INSL6: variants seen among roughly 807,000 people sequenced by gnomAD.
INSL6 encodes insulin-like peptide INSL6.
In INSL6, 16 loss-of-function variants were observed where a neutral mutation model predicts 9.4. That is an observed-to-expected ratio of 1.70 (90% CI 1.15 to 2.59). INSL6 has a LOEUF of 2.59. Ranked by LOEUF, INSL6 falls within the 30% of genes most tolerant of loss-of-function variation. The pLI, the probability that INSL6 is intolerant of heterozygous loss-of-function variation, is 0.00. For synonymous variants in INSL6, 154 were observed against 96.9 expected (o/e 1.59, Z -3.46); for missense variants, 391 against 257.3 (o/e 1.52, Z -3.56).
At chr9:5,017,074 G>T in the INSL6 span, among the ~76,000 whole-genome samples, 1 of 152,156 alleles carries the variant, frequency 6.6e-6, no homozygotes, top group Non-Finnish European at 1.5e-5. Flanking sequence ...ACTACTTGAG[G>T]GAAAGCCATG....
the INSL6 span, chr9:5,091,009 C>A: frequency 2.2e-6 from 2 of 910,384 alleles, no homozygotes; most frequent in Non-Finnish European, 1.6e-6. Flanking sequence ...TTTACAGTAA[C>A]AGTGAACATT....
chr9:5,111,797 C>A, the INSL6 span: 11 of 424,032 alleles, frequency 2.6e-5, no homozygotes, highest in Middle Eastern at 4.9e-4. Flanking sequence ...CTCCTTGGCC[C>A]CCGGAGCCAC....
the INSL6 span, among the ~76,000 whole-genome samples, chr9:5,020,811 C>T: frequency 2.9e-4 from 44 of 151,898 alleles, no homozygotes; most frequent in Admixed American, 2.5e-3. Context: ...AGGTGACTGT[C>T]GGTGGAGGAT....
At chr9:5,130,854 G>A (rs10974974) in intron 3 of INSL6, among the ~76,000 whole-genome samples, 35,048 of 148,188 alleles carry the variant, frequency 0.24, 4,582 homozygotes, top group South Asian at 0.3. Flanking sequence ...TCAGCCTCCC[G>A]CGTAGCTGGG....
chr9:5,092,021 A>C, the INSL6 span, among the ~76,000 whole-genome samples: 2 of 152,144 alleles, frequency 1.3e-5, no homozygotes, highest in Non-Finnish European at 2.9e-5. Flanking sequence ...AACTGAGTTA[A>C]TTCGGAGAGG....
At chr9:5,054,507 T>C in the INSL6 span, 1 of 1,408,250 alleles carries the variant, frequency 7.1e-7, no homozygotes. This position sits in a 1 kb window ranked among gnomAD's most constrained non-coding sequence, Gnocchi z 4.9. Flanking sequence ...ATTTTTAGAT[T>C]TATCTTCCAA....
At chr9:5,111,069 G>C in the INSL6 span, 2 of 1,205,824 alleles carry the variant, frequency 1.7e-6, no homozygotes, top group Non-Finnish European at 2.3e-6. Context: ...TTGAGAACTG[G>C]CCCAGCTCAG....
At chr9:5,123,186 G>T (rs77768782), downstream of INSL6, 2 of 1,118,404 alleles carry the variant, frequency 1.8e-6, no homozygotes, top group South Asian at 1.4e-5. Flanking sequence ...AAATTTATGG[G>T]GTACAAGTAC....
Position 5,185,637 on chromosome 9 carries a change from A to T in INSL6, c.-35T>A, listed in dbSNP as rs1324148172. ...CCCAGGCTAGTCCTCCGCGTTGTGC[A>T]ATGGCGGTCGGCCGGACCCTGCTCC... is the stretch of plus-strand genomic sequence containing the variant. On this transcript the variant is annotated 5_prime_UTR_variant, in exon 1 of 2. Transcript: ENST00000381641. 1 of 1,582,910 alleles carries T rather than the reference A, an allele frequency of 6.3e-7. No individual in the cohort carries two copies. The highest frequency in any genetic ancestry group is 1.8e-5 in the Admixed American group (1 of 55,576).
At chr9:5,049,149 C>T in the INSL6 span, among the ~76,000 whole-genome samples, 310 of 152,172 alleles carry the variant, frequency 2.0e-3, 3 homozygotes, top group African/African-American at 7.0e-3. Flanking sequence ...CTTATTATTT[C>T]GTATCTGAGC....
chr9:5,085,493 T>C, the INSL6 span: 2 of 722,644 alleles, frequency 2.8e-6, no homozygotes, highest in African/African-American at 3.5e-5. Flanking sequence ...TCATTTTCTT[T>C]TGACCCGAGC....
At chr9:5,004,753 A>T in the INSL6 span, among the ~76,000 whole-genome samples, 1 of 152,126 alleles carries the variant, frequency 6.6e-6, no homozygotes, top group Non-Finnish European at 1.5e-5. Context: ...CCAAGAGTAT[A>T]CAAGAGTTTC....
At chr9:5,110,821 G>C in the INSL6 span, 2 of 441,534 alleles carry the variant, frequency 4.5e-6, no homozygotes, top group Non-Finnish European at 8.7e-6. Flanking sequence ...CTGCTGCATC[G>C]CCCGTTTGTT....
chr9:5,106,103 T>C, the INSL6 span, among the ~76,000 whole-genome samples: 1 of 152,028 alleles, frequency 6.6e-6, no homozygotes, highest in African/African-American at 2.4e-5. Flanking sequence ...CAAAACAAAC[T>C]ACCATTAGAG....
intron 1 of INSL6, among the ~76,000 whole-genome samples, chr9:5,180,719 A>G (rs1158191883): frequency 6.6e-6 from 1 of 152,218 alleles, no homozygotes; most frequent in African/African-American, 2.4e-5. Flanking sequence ...GATGTTTATC[A>G]AGACAATACA....
intron 3 of INSL6, chr9:5,132,698 TCTC>T (rs1824314719): frequency 1.3e-5 from 2 of 152,162 alleles, no homozygotes; most frequent in Admixed American, 1.3e-4. Context: ...GTGAAACTGA[TCTC>T]CTAAGTATGT....
At chr9:5,152,604 C>A (rs12001334) in intron 2 of INSL6, among the ~76,000 whole-genome samples, 54,665 of 151,868 alleles carry the variant, frequency 0.36, 10,679 homozygotes, top group African/African-American at 0.53. Context: ...CCAGTAATTT[C>A]AGAAACTAGA....
the INSL6 span, among the ~76,000 whole-genome samples, chr9:5,075,157 A>C: frequency 2.6e-5 from 4 of 152,172 alleles, no homozygotes; most frequent in African/African-American, 9.7e-5. Context: ...AGGTTGGTTC[A>C]TGAGGTTTAA....
chr9:5,049,955 T>C, the INSL6 span, among the ~76,000 whole-genome samples: 4 of 152,194 alleles, frequency 2.6e-5, no homozygotes, highest in African/African-American at 9.7e-5. Flanking sequence ...AATGCAGTAT[T>C]ACAATCTTAT....
Sources: gnomAD v4.1 joint callset for allele counts (sites outside exome capture counted in the v4.1 genomes callset) on GRCh38, gnomAD v4.1.1 for gene constraint, Gnocchi (gnomAD v3.1) non-coding constraint, MANE v1.5 for transcripts, NCBI Gene and HGNC (gene_info 2026-07-23, HGNC 2026-07-21) for gene names.